Variants in SUGP2 observed in about 807,000 individuals in gnomAD.
SUGP2 encodes the protein SURP and G-patch domain containing 2.
Under a neutral mutation model 90.5 loss-of-function variants are expected in SUGP2, and 24 were observed. The ratio of observed to expected loss-of-function variants is 0.27; its 90% confidence interval spans 0.19 to 0.37. The LOEUF (loss-of-function observed/expected upper bound fraction) is 0.37. SUGP2 is among the 10% of genes least tolerant of loss of function. SUGP2 has a pLI of 1.00. For missense variants in SUGP2, 1,233 were observed against 1,363.3 expected (o/e 0.90, Z 1.51); for synonymous variants, 473 against 513.4 (o/e 0.92, Z 1.06).
In SUGP2 at chr19:18,995,297, G is replaced by A; in HGVS notation, c.2992-17C>T. 6 of 1,584,586 alleles carry A rather than the reference G, an allele frequency of 3.8e-6. No individual in the cohort carries two copies. The highest frequency in any genetic ancestry group is 5.2e-6 in the Non-Finnish European group (6 of 1,164,812). On this transcript the variant is annotated splice_polypyrimidine_tract_variant and intron_variant, in intron 8 of 10. Coordinates refer to ENST00000452918, the MANE Select transcript of SUGP2 (RefSeq NM_001017392.5). ...CTTGGGTTTCTGAGGAGAGAGGAGA[G>A]TCCAGGCATGTGGGCCACAGGGAGA...
chr19:19,027,701 G>A lies in SUGP2; in HGVS notation c.122-1475C>T, dbSNP rs181007792. ...CTGGAGTGCCGGAGTGCAAGGGTGCGATCTTGGCTCACCGCAACCTCCACC... is the reference window on the plus strand; with the variant it reads ...CTGGAGTGCCGGAGTGCAAGGGTGCAATCTTGGCTCACCGCAACCTCCACC... On this transcript the variant is annotated intron_variant, in intron 2 of 10. Transcript: ENST00000452918. Among the ~76,000 whole-genome samples, 611 of 151,690 alleles carry A rather than the reference G, an allele frequency of 4.0e-3. 7 individuals carry two copies. The highest frequency in any genetic ancestry group is 0.014 in the Middle Eastern group (4 of 294).
intron 2 of SUGP2, among the ~76,000 whole-genome samples, chr19:19,030,605 T>C (rs1359021679): frequency 2.0e-5 from 3 of 151,860 alleles, no homozygotes; most frequent in Admixed American, 2.0e-4. Context: ...GATAACTACA[T>C]AATGATGACT....
intron 6 of SUGP2, among the ~76,000 whole-genome samples, chr19:19,005,124 C>G (rs770990240): frequency 6.6e-6 from 1 of 152,176 alleles, no homozygotes; most frequent in Non-Finnish European, 1.5e-5. Context: ...GGCTCCTCAC[C>G]CCTAGCACTT....
chr19:19,015,204 A>AAAATAAAT (rs140520431), intron 4 of SUGP2, among the ~76,000 whole-genome samples: 15 of 146,522 alleles, frequency 1.0e-4, no homozygotes, highest in African/African-American at 3.8e-4. Context: ...TCTGTCTCAA[A>AAAATAAAT]AAATAAATAA....
intron 4 of SUGP2, among the ~76,000 whole-genome samples, chr19:19,018,732 C>T (rs558733384): frequency 2.7e-5 from 4 of 148,248 alleles, no homozygotes; most frequent in African/African-American, 9.9e-5. Flanking sequence ...CATAAAGAGG[C>T]AATTAAGCAA....
chr19:18,998,253 T>C (rs866715535), intron 8 of SUGP2, among the ~76,000 whole-genome samples: 1 of 152,252 alleles, frequency 6.6e-6, no homozygotes, highest in African/African-American at 2.4e-5. Flanking sequence ...TAATGTTTTA[T>C]ATGGCTCCTG....
chr19:19,001,915 G>A (rs1191572052), intron 7 of SUGP2, among the ~76,000 whole-genome samples: 2 of 152,198 alleles, frequency 1.3e-5, no homozygotes, highest in Non-Finnish European at 2.9e-5. Flanking sequence ...AGGGTTCACT[G>A]AGCGGTGCCT....
intron 2 of SUGP2, among the ~76,000 whole-genome samples, chr19:19,030,515 A>AAAACAAAC (rs537694922): frequency 1.3e-5 from 2 of 152,154 alleles, no homozygotes; most frequent in Non-Finnish European, 1.5e-5. Context: ...ACTCCGTCTC[A>AAAACAAAC]AAACAAACAA....
At position 19,015,757 on chromosome 19, in the gene SUGP2, G is replaced by A. The variant is rs143832010; in HGVS notation, c.1850+3352C>T. On this transcript the variant is annotated intron_variant, in intron 4 of 10. Coordinates refer to ENST00000452918, the MANE Select transcript of SUGP2 (RefSeq NM_001017392.5). ...CAACCTCAAGTCATCTGTCCCCCTC[G>A]GTCTCCCAAAGTGTTGGGATTACAG... Among the ~76,000 whole-genome samples the A allele has an allele frequency of 2.5e-3, 380 of 152,174 alleles. 2 individuals are homozygous for A. Among genetic ancestry groups the A allele is most frequent in the Non-Finnish European group, 4.2e-3 (288 of 68,000 alleles).
At chr19:19,014,539 C>T (rs577316251) in intron 4 of SUGP2, among the ~76,000 whole-genome samples, 3 of 151,976 alleles carry the variant, frequency 2.0e-5, no homozygotes, top group South Asian at 2.1e-4. Context: ...CATGATGGCT[C>T]ATGCCTGTAA....
At chr19:19,008,591 CTG>C (rs1292911416) in intron 5 of SUGP2, among the ~76,000 whole-genome samples, 163 bp from the exon 6 acceptor site, 1 of 152,214 alleles carries the variant, frequency 6.6e-6, no homozygotes, top group African/African-American at 2.4e-5. Context: ...GAAGTGAACT[CTG>C]TGTATCCCCA....
At chr19:18,995,080 G>T in intron 9 of SUGP2, 64 bp downstream of exon 9, 8 of 1,577,728 alleles carry the variant, frequency 5.1e-6, no homozygotes, top group Non-Finnish European at 6.9e-6. Context: ...GGAGCCAAGC[G>T]GCAGGCTGCA....
intron 2 of SUGP2, among the ~76,000 whole-genome samples, chr19:19,027,020 C>T (rs1335588660): frequency 2.0e-5 from 3 of 152,158 alleles, no homozygotes; most frequent in African/African-American, 7.2e-5. Context: ...TGGCTCAAAC[C>T]TATAATCCCT....
At position 18,994,489 on chromosome 19, in the gene SUGP2, A is replaced by AGGGAGTGAAAATAG; in HGVS notation, c.3129-4_3129-3insCTATTTTCACTCCC. 1 of 1,613,378 alleles carries AGGGAGTGAAAATAG rather than the reference A, an allele frequency of 6.2e-7. No homozygotes were observed. The highest frequency in any genetic ancestry group is 8.5e-7 in the Non-Finnish European group (1 of 1,179,606). On this transcript the variant is annotated splice_region_variant and splice_polypyrimidine_tract_variant and intron_variant, in intron 9 of 10. Coordinates refer to ENST00000452918, the MANE Select transcript of SUGP2 (RefSeq NM_001017392.5). Reference sequence around the variant, plus strand: ...CTTCCCCTTCCGAGGGGGTTCCCCTAGGGAGTGAAAAAGAGAGTCAGTTGT... The same window carrying AGGGAGTGAAAATAG: ...CTTCCCCTTCCGAGGGGGTTCCCCTAGGGAGTGAAAATAGGGGAGTGAAAAAGAGAGTCAGTTGT...
chr19:19,019,666 C>T (rs1048394262), intron 3 of SUGP2, among the ~76,000 whole-genome samples: 1 of 149,810 alleles, frequency 6.7e-6, no homozygotes, highest in African/African-American at 2.5e-5. Context: ...AATATGGATA[C>T]ATAGAAAGAA....
intron 4 of SUGP2, among the ~76,000 whole-genome samples, chr19:19,017,151 T>C (rs1350183761): frequency 6.6e-6 from 1 of 152,138 alleles, no homozygotes; most frequent in Non-Finnish European, 1.5e-5. Context: ...CACCCCTGCA[T>C]TGCAGCCTGG....
At chr19:18,994,649 G>A (rs562061243) in intron 9 of SUGP2, 163 bp from the exon 10 acceptor site, 1 of 1,007,978 alleles carries the variant, frequency 9.9e-7, no homozygotes, top group African/African-American at 1.6e-5. Context: ...TAGAAACAAG[G>A]AGTACTCACC....
intron 5 of SUGP2, among the ~76,000 whole-genome samples, chr19:19,009,103 G>A (rs1484512054): frequency 6.6e-6 from 1 of 151,862 alleles, no homozygotes; most frequent in Admixed American, 6.6e-5. Context: ...AGTAGAGATC[G>A]GGTTTCACCA....
rs188899697 is a variant in SUGP2 at position 19,030,871 on chromosome 19, A to C, written c.121+80T>G. ...TCAGAGGACTGGTATTATTTGCCCA[A>C]GGTATTGTAATCTTCCTGCCTTGGC... On this transcript the variant is annotated intron_variant, in intron 2 of 10. Transcript: ENST00000452918. 330 of 1,452,118 alleles carry C rather than the reference A, an allele frequency of 2.3e-4. 3 individuals are homozygous for C. The South Asian group carries it at 4.0e-3, about 18-fold the overall frequency. The allele number at this position is 1,452,118 out of a possible 1,614,324, so 90.0% of individuals were successfully genotyped here.
Sources: allele counts gnomAD v4.1 joint callset (sites outside exome capture counted in the v4.1 genomes callset), GRCh38; gene constraint gnomAD v4.1.1; transcripts MANE v1.5; gene names NCBI Gene and HGNC (gene_info 2026-07-23, HGNC 2026-07-21).